SEMA6D: variants seen among roughly 807,000 people sequenced by gnomAD.
SEMA6D encodes the protein semaphorin-6D.
Under a neutral mutation model 106.6 loss-of-function variants are expected in SEMA6D, and 35 were observed. The ratio of observed to expected loss-of-function variants is 0.33; its 90% CI spans 0.25 to 0.44. The LOEUF is 0.44. Among genes scored for constraint, SEMA6D ranks in the 20% least tolerant of loss-of-function variants. The pLI, the probability that SEMA6D is intolerant of heterozygous loss-of-function variation, is 1.00. For missense variants in SEMA6D, 1,185 were observed against 1,345.9 expected (o/e 0.88, Z 1.87); for synonymous variants, 499 against 487.7 (o/e 1.02, Z -0.31).
chr15:47,680,025 C>T (rs1051294782), intron 4 of SEMA6D, among the ~76,000 whole-genome samples: 1 of 152,032 alleles, frequency 6.6e-6, no homozygotes, highest in African/African-American at 2.4e-5. Context: ...TAGAATTGCC[C>T]CACTTACCTG....
At chr15:47,407,406 C>CAAAAAAAAAAA (rs1231097214) in intron 1 of SEMA6D, among the ~76,000 whole-genome samples, 2 of 105,814 alleles carry the variant, frequency 1.9e-5, no homozygotes, top group African/African-American at 3.4e-5. Context: ...ACAACAACAA[C>CAAAAAAAAAAA]AACAAAAAAA....
At chr15:47,427,267 C>G (rs527830348) in intron 2 of SEMA6D, among the ~76,000 whole-genome samples, 1 of 152,180 alleles carries the variant, frequency 6.6e-6, no homozygotes, top group South Asian at 2.1e-4. Context: ...AGAGTGATCC[C>G]TTGGTCACAT....
intron 4 of SEMA6D, among the ~76,000 whole-genome samples, chr15:47,707,037 G>C (rs1392027036): frequency 6.6e-6 from 1 of 152,160 alleles, no homozygotes; most frequent in Admixed American, 6.5e-5. Flanking sequence ...TTTGTAAAGA[G>C]AATTGGAAGT....
chr15:47,771,587 G>A lies in SEMA6D; in HGVS notation c.3024G>A (p.Lys1008=). 1 of 1,614,122 alleles carries A rather than the reference G, an allele frequency of 6.2e-7. No homozygotes were observed. The highest frequency in any genetic ancestry group is 1.7e-5 in the Admixed American group (1 of 60,016). ...ATATGCCCACCCCCACTGGGGCGAAGGTGGACTATATTCAGGGAACACCAG... is the reference window on the plus strand; with the variant it reads ...ATATGCCCACCCCCACTGGGGCGAAAGTGGACTATATTCAGGGAACACCAG... ...GGYMPTPTGA[K]VDYIQGTPVS... is the part of the protein sequence containing the mutation. The change falls in exon 19 of 19, where the codon AAG becomes AAA. Residue 1008 remains lysine, a synonymous_variant. Coordinates refer to ENST00000536845, the MANE Select transcript of SEMA6D (RefSeq NM_001358351.3).
chr15:47,622,881 G>C (rs1180254058), intron 4 of SEMA6D, among the ~76,000 whole-genome samples: 1 of 152,148 alleles, frequency 6.6e-6, no homozygotes, highest in Non-Finnish European at 1.5e-5. Context: ...AGTTCCAGAA[G>C]TCCTTGGAAA....
chr15:47,395,289 G>T (rs536469153), intron 1 of SEMA6D, among the ~76,000 whole-genome samples: 3 of 152,272 alleles, frequency 2.0e-5, no homozygotes, highest in African/African-American at 7.2e-5. Context: ...GGGACTGAGA[G>T]TTTTAAAATG....
chr15:47,679,521 G>C (rs1489430222), intron 4 of SEMA6D, among the ~76,000 whole-genome samples: 1 of 152,118 alleles, frequency 6.6e-6, no homozygotes, highest in Non-Finnish European at 1.5e-5. Flanking sequence ...CTTCACTCTG[G>C]CCCCTCGGCA....
At chr15:47,190,652 C>G (rs1029840440) in intron 1 of SEMA6D, among the ~76,000 whole-genome samples, 1 of 152,142 alleles carries the variant, frequency 6.6e-6, no homozygotes, top group African/African-American at 2.4e-5. Context: ...GTGTTTTATA[C>G]ATGACCTCAT....
chr15:47,530,158 A>G (rs1465859793), intron 3 of SEMA6D, among the ~76,000 whole-genome samples: 2 of 152,226 alleles, frequency 1.3e-5, no homozygotes, highest in Non-Finnish European at 2.9e-5. Context: ...CCCGACTCAC[A>G]TGGCAGAACA....
At chr15:47,413,759 A>C (rs2040873435) in intron 2 of SEMA6D, among the ~76,000 whole-genome samples, 1 of 152,208 alleles carries the variant, frequency 6.6e-6, no homozygotes, top group African/African-American at 2.4e-5. Flanking sequence ...CTGGGATTAC[A>C]GGGGTGAGCC....
intron 3 of SEMA6D, among the ~76,000 whole-genome samples, chr15:47,582,160 C>A (rs1214684949): frequency 1.3e-5 from 2 of 152,140 alleles, no homozygotes; most frequent in African/African-American, 4.8e-5. Flanking sequence ...GTAAGACAGC[C>A]AGTCTTGCTT....
chr15:47,544,360 T>G (rs2045450549), intron 3 of SEMA6D, among the ~76,000 whole-genome samples: 2 of 152,146 alleles, frequency 1.3e-5, no homozygotes, highest in African/African-American at 2.4e-5. Flanking sequence ...TGAATAACTG[T>G]CGTTATCATC....
chr15:47,367,794 T>C (rs1382697397), intron 1 of SEMA6D, among the ~76,000 whole-genome samples: 1 of 152,154 alleles, frequency 6.6e-6, no homozygotes, highest in Non-Finnish European at 1.5e-5. Context: ...CTGCAATCTG[T>C]ATTTAAGTTG....
intron 4 of SEMA6D, among the ~76,000 whole-genome samples, chr15:47,645,971 A>G (rs1456438975): frequency 6.6e-6 from 1 of 152,300 alleles, no homozygotes; most frequent in East Asian, 1.9e-4. Context: ...CCTCTCAGGG[A>G]GCCCCACTCC....
intron 1 of SEMA6D, among the ~76,000 whole-genome samples, chr15:47,386,427 GA>G (rs2039841988): frequency 6.6e-6 from 1 of 152,182 alleles, no homozygotes; most frequent in African/African-American, 2.4e-5. Context: ...TCAGTTAGTG[GA>G]ATGCCTGTGA....
At chr15:47,405,926 T>A (rs2040550091) in intron 1 of SEMA6D, among the ~76,000 whole-genome samples, 1 of 152,180 alleles carries the variant, frequency 6.6e-6, no homozygotes, top group Middle Eastern at 3.2e-3. Flanking sequence ...ACATTATGCA[T>A]ATGTATGCAG....
At chr15:47,561,165 A>G (rs895658346) in intron 3 of SEMA6D, among the ~76,000 whole-genome samples, 1 of 152,080 alleles carries the variant, frequency 6.6e-6, no homozygotes, top group East Asian at 1.9e-4. Flanking sequence ...ACACAGAAAT[A>G]CTCAAGGAGA....
At chr15:47,620,905 G>A (rs2077086525) in intron 4 of SEMA6D, among the ~76,000 whole-genome samples, 1 of 151,808 alleles carries the variant, frequency 6.6e-6, no homozygotes, top group South Asian at 2.1e-4. Context: ...AAATGCCCTG[G>A]TGCATTCCAC....
At chr15:47,287,640 T>C (rs1346218483) in intron 1 of SEMA6D, among the ~76,000 whole-genome samples, 4 of 152,214 alleles carry the variant, frequency 2.6e-5, no homozygotes, top group African/African-American at 9.6e-5. Context: ...ATCCACAAAG[T>C]AACTTCCCTT....
Sources: gnomAD v4.1 joint callset for allele counts (sites outside exome capture counted in the v4.1 genomes callset) on GRCh38, gnomAD v4.1.1 for gene constraint, MANE v1.5 for transcripts, NCBI Gene and HGNC (gene_info 2026-07-23, HGNC 2026-07-21) for gene names.